DISC1: variants seen among roughly 807,000 people sequenced by gnomAD.
DISC1 encodes the protein disrupted in schizophrenia 1 protein.
Under a neutral mutation model 84.5 loss-of-function variants are expected in DISC1, and 57 were observed. The ratio of observed to expected loss-of-function variants is 0.67; its 90% CI spans 0.55 to 0.84. DISC1 has a LOEUF of 0.84. Among genes scored for constraint, DISC1 ranks in the 40% least tolerant of loss-of-function variants. The probability of loss-of-function intolerance (pLI) is 0.00; values close to 1 mark genes in which losing one functional copy is unlikely to be tolerated. For synonymous variants in DISC1, 411 were observed against 415.2 expected (o/e 0.99, Z 0.12); for missense variants, 1,000 against 1,057.8 (o/e 0.95, Z 0.76).
chr1:231,870,580 A>G (rs2085386126), intron 9 of DISC1, among the ~76,000 whole-genome samples: 1 of 152,180 alleles, frequency 6.6e-6, no homozygotes, highest in African/African-American at 2.4e-5. Context: ...CTGTGGCTCC[A>G]TCAGTTTCCA....
intron 9 of DISC1, among the ~76,000 whole-genome samples, chr1:231,898,460 G>A (rs977502506): frequency 6.6e-6 from 1 of 152,156 alleles, no homozygotes; most frequent in African/African-American, 2.4e-5. Context: ...TTGATTGACC[G>A]AAGATTTTCT....
intron 9 of DISC1, among the ~76,000 whole-genome samples, chr1:231,864,793 G>C (rs1246160933): frequency 2.0e-5 from 3 of 152,156 alleles, no homozygotes; most frequent in African/African-American, 7.2e-5. Context: ...AAAAATTCTT[G>C]TATATTGTTC....
intron 4 of DISC1, among the ~76,000 whole-genome samples, chr1:231,764,273 A>G (rs115350012): frequency 7.4e-4 from 112 of 152,358 alleles, no homozygotes; most frequent in African/African-American, 2.5e-3. Context: ...TTCAAGAGCT[A>G]CAAGACTAAT....
At chr1:231,673,802 G>T (rs1291053950) in intron 1 of DISC1, among the ~76,000 whole-genome samples, 1 of 152,220 alleles carries the variant, frequency 6.6e-6, no homozygotes, top group African/African-American at 2.4e-5. Context: ...TGAAAGGTTG[G>T]AGTGTCTCAT....
At chr1:231,921,328 T>TG (rs2089996238) in intron 9 of DISC1, among the ~76,000 whole-genome samples, 1 of 152,110 alleles carries the variant, frequency 6.6e-6, no homozygotes, top group South Asian at 2.1e-4. Flanking sequence ...GAAGAGCACA[T>TG]GGAAAAATGT....
At chr1:231,736,907 G>T (rs906707237) in intron 3 of DISC1, among the ~76,000 whole-genome samples, 2 of 152,204 alleles carry the variant, frequency 1.3e-5, no homozygotes, top group Non-Finnish European at 2.9e-5. Context: ...AGTGGGAATC[G>T]AATCTATTTA....
intron 9 of DISC1, among the ~76,000 whole-genome samples, chr1:231,867,730 T>G (rs1029714611): frequency 4.6e-5 from 7 of 152,238 alleles, no homozygotes; most frequent in African/African-American, 1.7e-4. Flanking sequence ...ACAGTTAGAT[T>G]TGTTTAGAAA....
chr1:231,905,031 A>G (rs79341753), intron 9 of DISC1, among the ~76,000 whole-genome samples: 2,153 of 152,330 alleles, frequency 0.014, 45 homozygotes, highest in African/African-American at 0.048. Context: ...TTCCAATTAC[A>G]TCCCCTCAGA....
chr1:231,854,867 C>T (rs1194348271), intron 9 of DISC1: 5 of 413,732 alleles, frequency 1.2e-5, no homozygotes, highest in Non-Finnish European at 2.4e-5. Flanking sequence ...CAGGTGCCCG[C>T]CACCATGCCT....
Position 232,026,427 on chromosome 1 carries a change from C to G in DISC1, c.2308-8C>G. 6.3e-7 allele frequency: 1 copy of G among 1,579,856 alleles called. No individual in the cohort carries two copies. The highest frequency in any genetic ancestry group is 8.6e-7 in the Non-Finnish European group (1 of 1,158,114). On this transcript the variant is annotated splice_polypyrimidine_tract_variant and splice_region_variant and intron_variant, in intron 11 of 12. Coordinates refer to ENST00000439617, the MANE Select transcript of DISC1 (RefSeq NM_018662.3). ...TAACAAGTGATCTTGTTTTCCCCCT[C>G]TCGCCAGGAATCTTACATCCTTTCT... is the stretch of plus-strand genomic sequence containing the variant.
chr1:231,931,659 T>TTG (rs2090664761), intron 9 of DISC1, among the ~76,000 whole-genome samples: 1 of 151,336 alleles, frequency 6.6e-6, no homozygotes, highest in Non-Finnish European at 1.5e-5. Context: ...TTTTTTTTTT[T>TTG]TGTCTTTGAG....
chr1:231,764,679 A>G (rs920491087), intron 4 of DISC1, among the ~76,000 whole-genome samples: 1 of 152,204 alleles, frequency 6.6e-6, no homozygotes, highest in Non-Finnish European at 1.5e-5. Flanking sequence ...CTACTAAGAA[A>G]AAAACCTGAT....
At chr1:231,761,019 C>T (rs1227833352) in intron 4 of DISC1, among the ~76,000 whole-genome samples, 1 of 152,162 alleles carries the variant, frequency 6.6e-6, no homozygotes, top group Non-Finnish European at 1.5e-5. Context: ...AAACATTTTT[C>T]CTGTGCAATT....
chr1:231,779,408 T>A (rs2077205693), intron 6 of DISC1, among the ~76,000 whole-genome samples: 1 of 152,182 alleles, frequency 6.6e-6, no homozygotes, highest in African/African-American at 2.4e-5. Flanking sequence ...CATGTAAATG[T>A]TAAGTCTCCA....
intron 9 of DISC1, among the ~76,000 whole-genome samples, chr1:231,888,716 C>T (rs113677625): frequency 0.34 from 43,874 of 128,702 alleles, 7,170 homozygotes; most frequent in Admixed American, 0.4. Flanking sequence ...CCAGCCTGGG[C>T]GACAGAGTGA....
chr1:231,740,159 A>C (rs1390308346), intron 3 of DISC1, among the ~76,000 whole-genome samples: 1 of 152,212 alleles, frequency 6.6e-6, no homozygotes, highest in Admixed American at 6.5e-5. Context: ...AACTCTGGGC[A>C]ATACATTTCT....
chr1:231,733,162 G>A (rs1331800976), intron 3 of DISC1, among the ~76,000 whole-genome samples: 1 of 151,812 alleles, frequency 6.6e-6, no homozygotes, highest in African/African-American at 2.4e-5. Context: ...GGTGGTGATG[G>A]TAGGAGTGGT....
chr1:231,952,203 C>A (rs1358893433), intron 9 of DISC1, among the ~76,000 whole-genome samples: 1 of 151,812 alleles, frequency 6.6e-6, no homozygotes, highest in Non-Finnish European at 1.5e-5. Context: ...TTCCCTGTTA[C>A]CACTTATTAA....
At position 231,800,076 on chromosome 1, in the gene DISC1, A is replaced by G. The variant is rs778577159; in HGVS notation, c.1690-32A>G. On this transcript the variant is annotated intron_variant, in intron 7 of 12. Transcript: ENST00000439617. ...TGCCTTCTGATTTTTAGCTGAATAA[A>G]TGATGATTCCTGGTCATTTCTCTCC... is the stretch of plus-strand genomic sequence containing the variant. The G allele has an allele frequency of 7.1e-6, 11 of 1,550,200 alleles. No homozygotes were observed. The African/African-American group carries it at 1.4e-4, about 19-fold the overall frequency.
Sources: gnomAD v4.1 joint callset for allele counts (sites outside exome capture counted in the v4.1 genomes callset) on GRCh38, gnomAD v4.1.1 for gene constraint, MANE v1.5 for transcripts, NCBI Gene and HGNC (gene_info 2026-07-23, HGNC 2026-07-21) for gene names.